The following KCNMA1 variants were observed in gnomAD, a reference collection of about 807,000 sequenced individuals.
KCNMA1 encodes Calcium-activated potassium channel subunit alpha-1.
Under a neutral mutation model 140.0 loss-of-function variants are expected in KCNMA1, and 29 were observed. The observed-to-expected ratio is 0.21, with a 90% CI of 0.15 to 0.28. KCNMA1 has a LOEUF of 0.28. Ranked by LOEUF, KCNMA1 falls within the 10% of genes least tolerant of loss-of-function variation. The pLI is 1.00. For synonymous variants in KCNMA1, 612 were observed against 611.9 expected, an observed-to-expected ratio of 1.00 and a Z score of 0.00; for missense variants, 880 against 1,602.2, an observed-to-expected ratio of 0.55 and a Z score of 7.70.
intron 2 of KCNMA1, among the ~76,000 whole-genome samples, chr10:77,302,532 T>G (rs919230090): frequency 3.3e-5 from 5 of 151,982 alleles, no homozygotes; most frequent in Non-Finnish European, 7.4e-5. Flanking sequence ...GCCCCCACAT[T>G]CTCCAGGGTC....
At chr10:77,208,847 A>T (rs1195101029) in intron 3 of KCNMA1, among the ~76,000 whole-genome samples, 1 of 152,170 alleles carries the variant, frequency 6.6e-6, no homozygotes, top group African/African-American at 2.4e-5. Flanking sequence ...GTGTAAGTAC[A>T]TGCACCAACT....
intron 1 of KCNMA1, among the ~76,000 whole-genome samples, chr10:77,426,327 A>ATATATGATGACTT (rs2096989273): frequency 6.6e-6 from 1 of 152,182 alleles, no homozygotes; most frequent in African/African-American, 2.4e-5. Flanking sequence ...ACAGACATGT[A>ATATATGATGACTT]TATATGATGA....
chr10:77,379,383 C>T (rs1179318464), intron 2 of KCNMA1, among the ~76,000 whole-genome samples: 2 of 152,072 alleles, frequency 1.3e-5, no homozygotes, highest in East Asian at 3.8e-4. Flanking sequence ...GCAATAAGAA[C>T]TCACTTGAAT....
intron 1 of KCNMA1, among the ~76,000 whole-genome samples, chr10:77,614,952 G>T (rs1230410410): frequency 6.6e-6 from 1 of 152,226 alleles, no homozygotes; most frequent in Non-Finnish European, 1.5e-5. Flanking sequence ...AGATAAAAGG[G>T]AGTGTGAAGT....
At chr10:76,915,756 C>T (rs2052559516) in intron 23 of KCNMA1, among the ~76,000 whole-genome samples, 1 of 152,134 alleles carries the variant, frequency 6.6e-6, no homozygotes, top group Non-Finnish European at 1.5e-5. Context: ...TGGGAGGTGT[C>T]AGGAAATCTT....
intron 5 of KCNMA1, among the ~76,000 whole-genome samples, chr10:77,121,884 T>G (rs112023316): frequency 6.6e-6 from 1 of 152,232 alleles, no homozygotes; most frequent in African/African-American, 2.4e-5. Context: ...TTGGCTATCA[T>G]GCAAGGGAAT....
chr10:76,881,015 T>C (rs1333261741), downstream of KCNMA1, among the ~76,000 whole-genome samples: 1 of 152,100 alleles, frequency 6.6e-6, no homozygotes, highest in African/African-American at 2.4e-5. Flanking sequence ...TTCGTGGAGT[T>C]AGGAAAGAAG....
At chr10:77,467,743 G>A (rs2098060547) in intron 1 of KCNMA1, among the ~76,000 whole-genome samples, 2 of 151,286 alleles carry the variant, frequency 1.3e-5, no homozygotes, top group Non-Finnish European at 3.0e-5. Context: ...GCACAGCAGG[G>A]CCACTTGGCC....
At position 77,476,515 on chromosome 10, in the gene KCNMA1, G is replaced by A. The variant is rs1402554844; in HGVS notation, c.379-72492C>T. Among the ~76,000 whole-genome samples, 4 of 152,176 alleles carry A rather than the reference G, an allele frequency of 2.6e-5. No homozygotes were observed. The East Asian group carries it at 5.8e-4, about 22-fold the overall frequency. On this transcript the variant is annotated intron_variant, in intron 1 of 27. Transcript: ENST00000286628. ...CCACTGTCCGAAGGCCTTAGCACAGGGATCCCTCTCTTCAGGGTCCATGCA... is the reference window on the plus strand; with the variant it reads ...CCACTGTCCGAAGGCCTTAGCACAGAGATCCCTCTCTTCAGGGTCCATGCA...
chr10:77,383,028 ATT>A (rs56965066), intron 2 of KCNMA1, among the ~76,000 whole-genome samples: 5,208 of 116,964 alleles, frequency 0.045, 118 homozygotes, highest in East Asian at 0.082. Flanking sequence ...ATATATATAT[ATT>A]CCAAGTGGAG....
At chr10:77,088,591 G>A (rs578062155) in intron 10 of KCNMA1, among the ~76,000 whole-genome samples, 1 of 152,072 alleles carries the variant, frequency 6.6e-6, no homozygotes, top group Admixed American at 6.5e-5. Context: ...CCCTATGCCT[G>A]GCTAATCTTT....
chr10:76,945,031 GGAGCAAA>G, intron 22 of KCNMA1, 66 bp from the exon 23 acceptor site: 8 of 1,290,830 alleles, frequency 6.2e-6, no homozygotes, highest in Non-Finnish European at 9.0e-6. Context: ...GAGAGAGAGA[GGAGCAAA>G]AGTGAGAGGA....
At chr10:77,247,147 G>A (rs773043866) in intron 3 of KCNMA1, among the ~76,000 whole-genome samples, 23 of 152,200 alleles carry the variant, frequency 1.5e-4, no homozygotes, top group Admixed American at 3.3e-4. Flanking sequence ...TTCATAATCC[G>A]CGTAACCGTA....
At chr10:77,029,434 C>A (rs1008607211) in intron 15 of KCNMA1, among the ~76,000 whole-genome samples, 2 of 152,234 alleles carry the variant, frequency 1.3e-5, no homozygotes, top group Middle Eastern at 6.8e-3. Flanking sequence ...CCATTTTACA[C>A]GTGATGAAAC....
intron 2 of KCNMA1, among the ~76,000 whole-genome samples, chr10:77,295,787 CAAAAAAAAAAA>C (rs36034012): frequency 1.4e-4 from 6 of 43,260 alleles, no homozygotes; most frequent in South Asian, 1.6e-3. Flanking sequence ...GACTCCGTCT[CAAAAAAAAAAA>C]AAAAAAAAAA....
intron 1 of KCNMA1, among the ~76,000 whole-genome samples, chr10:77,410,470 G>A (rs1341465532): frequency 1.3e-5 from 2 of 152,204 alleles, no homozygotes; most frequent in Non-Finnish European, 2.9e-5. Flanking sequence ...AGTCTGCCTC[G>A]GGTTTAACTA....
chr10:77,271,402 G>A (rs534063135), intron 2 of KCNMA1, among the ~76,000 whole-genome samples: 1 of 152,274 alleles, frequency 6.6e-6, no homozygotes, highest in African/African-American at 2.4e-5. Context: ...TGAGTGACAT[G>A]GGTGCTCTCT....
In KCNMA1 at chr10:77,614,196, G is replaced by C. The variant is rs1314210467; in HGVS notation, c.378+23069C>G. On this transcript the variant is annotated intron_variant, in intron 1 of 27. Coordinates refer to ENST00000286628, the MANE Select transcript of KCNMA1 (RefSeq NM_001161352.2). ...GAGATTCAGTGCCCAAAATATAAAT[G>C]TAACCAGTGTGGAGTATTAGTCAAT... 3.3e-5 allele frequency among the ~76,000 whole-genome samples: 5 copies of C among 152,340 alleles called. No individual in the cohort carries two copies. In the South Asian group the frequency reaches 1.0e-3, roughly 32 times the overall value.
intron 2 of KCNMA1, among the ~76,000 whole-genome samples, chr10:77,378,961 A>G (rs1437166071): frequency 2.0e-5 from 3 of 152,162 alleles, no homozygotes; most frequent in African/African-American, 7.2e-5. Context: ...TGGCCCCTAC[A>G]TGTACGCTCA....
Sources: allele counts gnomAD v4.1 joint callset (sites outside exome capture counted in the v4.1 genomes callset), GRCh38; gene constraint gnomAD v4.1.1; transcripts MANE v1.5; gene names NCBI Gene and HGNC (gene_info 2026-07-23, HGNC 2026-07-21).